Variants in SYCE1L observed in about 807,000 individuals in gnomAD.
SYCE1L encodes the protein synaptonemal complex central element protein 1-like.
SYCE1L carries 51 observed loss-of-function variants against 39.6 expected under a neutral mutation model. That is an observed-to-expected ratio of 1.29 (90% CI 1.03 to 1.63). SYCE1L has a LOEUF of 1.63. Ranked by LOEUF, SYCE1L falls within the 40% of genes most tolerant of loss-of-function variation. SYCE1L has a pLI of 0.00. For missense variants in SYCE1L, 426 were observed against 304.9 expected (o/e 1.40, Z -2.96); for synonymous variants, 147 against 122.4 (o/e 1.20, Z -1.33).
intron 1 of SYCE1L, among the ~76,000 whole-genome samples, chr16:77,205,056 A>AAG (rs1555502752): frequency 2.8e-5 from 4 of 140,668 alleles, no homozygotes; most frequent in Non-Finnish European, 3.0e-5. Context: ...AAAAAAAAAA[A>AAG]AAAAGAAAAG....
chr16:77,207,166 ACCCC>A (rs1016822010), intron 2 of SYCE1L, among the ~76,000 whole-genome samples: 3 of 151,876 alleles, frequency 2.0e-5, no homozygotes, highest in African/African-American at 7.3e-5. Flanking sequence ...TAAAACAAAG[ACCCC>A]CAGAGATTTC....
In SYCE1L at chr16:77,199,507, C is replaced by A. The variant is rs2054706872; in HGVS notation, c.56C>A (p.Ala19Asp). Residue 19 changes from alanine to aspartate, a missense_variant, in exon 1 of 11, where the codon GCT becomes GAT. Transcript: ENST00000378644. ...GAGGCGCCAGAAGCTACTGAGGAGG[C>A]TGAAGGTAGTGAGGGCAAGTGGGCT... is the stretch of plus-strand genomic sequence containing the variant. ...NVEAPEATEE[A>D]EGQAKSLKTE... The A allele has an allele frequency of 1.3e-6, 2 of 1,551,208 alleles. No individual in the cohort carries two copies. The highest frequency in any genetic ancestry group is 2.4e-5 in the South Asian group (2 of 84,050).
At chr16:77,203,592 C>CTTTTT (rs57339044) in intron 1 of SYCE1L, among the ~76,000 whole-genome samples, 55,463 of 119,806 alleles carry the variant, frequency 0.46, 14,859 homozygotes, top group Non-Finnish European at 0.61. Flanking sequence ...AAGTTACTTC[C>CTTTTT]TTTTTTTTTT....
chr16:77,206,907 A>C (rs1423462085), intron 2 of SYCE1L, among the ~76,000 whole-genome samples: 1 of 152,114 alleles, frequency 6.6e-6, no homozygotes, highest in African/African-American at 2.4e-5. Flanking sequence ...TTTGCGGGAA[A>C]CCTGGGAGCC....
intron 1 of SYCE1L, among the ~76,000 whole-genome samples, chr16:77,205,861 T>G (rs1308016611): frequency 6.6e-6 from 1 of 152,174 alleles, no homozygotes; most frequent in Non-Finnish European, 1.5e-5. Context: ...AAGTGCATCC[T>G]GAGCTGCAGT....
chr16:77,199,474 T>A lies in SYCE1L; in HGVS notation c.23T>A (p.Leu8Gln). The change falls in exon 1 of 11, where the codon CTG (leucine) becomes CAG (glutamine). Residue 8 changes from leucine (L) to glutamine (Q), a missense_variant. Leu to Gln is a moderately radical substitution (Grantham distance 113, BLOSUM62 -2). Coordinates refer to ENST00000378644, the MANE Select transcript of SYCE1L (RefSeq NM_001129979.3). MAGKLKP[L>Q]NVEAPEATEE... The stretch of plus-strand genomic sequence containing the variant: ...AAAATGGCGGGGAAGCTGAAACCTC[T>A]GAATGTGGAGGCGCCAGAAGCTACT... 1 of 1,551,478 alleles carries A rather than the reference T, an allele frequency of 6.4e-7. No homozygotes were observed. The highest frequency in any genetic ancestry group is 8.7e-7 in the Non-Finnish European group (1 of 1,146,962).
At chr16:77,208,381 ATGACTG>A (rs2054800191) in intron 3 of SYCE1L, 78 bp from the exon 4 acceptor site, 1 of 1,543,276 alleles carries the variant, frequency 6.5e-7, no homozygotes, top group South Asian at 1.2e-5. Flanking sequence ...TTGTTTGAAG[ATGACTG>A]TGCAATGTCA....
At chr16:77,199,534 C>T in intron 1 of SYCE1L, 22 bp downstream of exon 1, 12 of 1,539,842 alleles carry the variant, frequency 7.8e-6, no homozygotes, top group Non-Finnish European at 1.1e-5. Context: ...AAGTGGGCTG[C>T]ACTCCTTTCT....
intron 1 of SYCE1L, among the ~76,000 whole-genome samples, chr16:77,205,783 T>C (rs2054781967): frequency 6.6e-6 from 1 of 152,112 alleles, no homozygotes; most frequent in Non-Finnish European, 1.5e-5. Context: ...GAGGCAAAAA[T>C]CCTTCATCAG....
chr16:77,212,443 C>A, intron 9 of SYCE1L, 74 bp downstream of exon 9: 1 of 1,535,662 alleles, frequency 6.5e-7, no homozygotes, highest in Middle Eastern at 2.3e-4. Flanking sequence ...GTCCCCCGCT[C>A]CGCCCCCGAC....
intron 6 of SYCE1L, among the ~76,000 whole-genome samples, chr16:77,210,409 T>C (rs118053215): frequency 6.6e-6 from 1 of 152,286 alleles, no homozygotes; most frequent in East Asian, 1.9e-4. Context: ...ATGATTTTAA[T>C]TGCATGGGGA....
At position 77,208,525 on chromosome 16, in the gene SYCE1L, G is replaced by T. The variant is rs2054801590; in HGVS notation, c.242G>T (p.Arg81Met). Residue 81 changes from arginine (R) to methionine (M), a missense_variant, in exon 4 of 11, where the codon AGG (arginine) becomes ATG (methionine). Coordinates refer to ENST00000378644, the MANE Select transcript of SYCE1L (RefSeq NM_001129979.3). ...ETHSLWEALHRELDSLNGEKV... is the reference protein window; with the variant it reads ...ETHSLWEALHMELDSLNGEKV... ...CACAGTCTCTGGGAGGCCCTGCATAGGGAATTAGACTCCTGTAAGTGGGGC... is the reference window on the plus strand; with the variant it reads ...CACAGTCTCTGGGAGGCCCTGCATATGGAATTAGACTCCTGTAAGTGGGGC... 6.4e-7 allele frequency: 1 copy of T among 1,551,710 alleles called. No homozygotes were observed. The highest frequency in any genetic ancestry group is 1.2e-5 in the South Asian group (1 of 84,066).
chr16:77,213,161 G>A lies in SYCE1L; in HGVS notation c.*230G>A, dbSNP rs958602348. 4.9e-6 allele frequency: 2 copies of A among 406,944 alleles called. No individual in the cohort carries two copies. Among genetic ancestry groups the A allele is most frequent in the Non-Finnish European group, 8.6e-6 (2 of 231,546 alleles). The allele number at this position is 406,944 out of a possible 1,614,324, so 25.2% of individuals were successfully genotyped here. Reference sequence around the variant, plus strand: ...CTCCTGAACTCAGAGAGAGTAAGTGGGTGTCAGTATCCCCCGCCCCACGGC... The same window carrying A: ...CTCCTGAACTCAGAGAGAGTAAGTGAGTGTCAGTATCCCCCGCCCCACGGC... On this transcript the variant is annotated 3_prime_UTR_variant, in exon 11 of 11. Transcript: ENST00000378644.
At chr16:77,212,737 G>C (rs2054834482) in intron 10 of SYCE1L, 91 bp downstream of exon 10, 1 of 1,437,686 alleles carries the variant, frequency 7.0e-7, no homozygotes, top group Non-Finnish European at 9.1e-7. Flanking sequence ...CGAGAGTGGG[G>C]TCTGTGGGGA....
intron 4 of SYCE1L, 105 bp from the exon 5 acceptor site, chr16:77,208,992 C>T: frequency 7.8e-7 from 1 of 1,276,584 alleles, no homozygotes. Context: ...CCTCACCTCT[C>T]CTAGGGCTGT....
chr16:77,199,569 A>G, intron 1 of SYCE1L, 57 bp downstream of exon 1: 1 of 1,300,032 alleles, frequency 7.7e-7, no homozygotes. Context: ...GAAAGGAGGG[A>G]GGATTCGTCC....
At chr16:77,203,268 G>A (rs760671958) in intron 1 of SYCE1L, among the ~76,000 whole-genome samples, 11 of 152,234 alleles carry the variant, frequency 7.2e-5, no homozygotes, top group African/African-American at 9.6e-5. Context: ...GTGACTTGGA[G>A]AAGGGGCTGC....
rs1421261428 is a variant in SYCE1L, at chr16:77,199,463, GCTGAAACCT to G, written c.18_26del (p.Lys6_Leu8del). On this transcript the variant is annotated inframe_deletion, in exon 1 of 11. Transcript: ENST00000378644. Reference sequence around the variant, plus strand: ...CCCCGCGTTGGAAAATGGCGGGGAAGCTGAAACCTCTGAATGTGGAGGCGCCAGAAGCTA... The same window carrying G: ...CCCCGCGTTGGAAAATGGCGGGGAAGCTGAATGTGGAGGCGCCAGAAGCTA... The G allele has an allele frequency of 1.3e-6, 2 of 1,551,374 alleles. No individual in the cohort carries two copies. The highest frequency in any genetic ancestry group is 4.9e-5 in the East Asian group (2 of 40,918).
intron 1 of SYCE1L, chr16:77,201,993 A>G (rs2054748445): frequency 6.6e-6 from 1 of 152,206 alleles, no homozygotes; most frequent in East Asian, 1.9e-4. Context: ...ATAACTCTGG[A>G]CAAGGAATTT....
Sources: allele counts gnomAD v4.1 joint callset (sites outside exome capture counted in the v4.1 genomes callset), GRCh38; gene constraint gnomAD v4.1.1; transcripts MANE v1.5; gene names NCBI Gene and HGNC (gene_info 2026-07-23, HGNC 2026-07-21).